C1orf141: variants seen among roughly 807,000 people sequenced by gnomAD.
C1orf141 encodes uncharacterized protein C1orf141.
A neutral mutation model predicts 23.2 loss-of-function variants in C1orf141; 19 were observed. That is an observed-to-expected ratio of 0.82 (90% CI 0.57 to 1.20). The LOEUF (loss-of-function observed/expected upper bound fraction) is 1.20, where lower values mean the gene tolerates loss of function less well. C1orf141 is among the 50% of genes most tolerant of loss of function. The probability of loss-of-function intolerance (pLI) is 0.00; values close to 1 mark genes in which losing one functional copy is unlikely to be tolerated. For synonymous variants in C1orf141, 153 were observed against 154.6 expected, an observed-to-expected ratio of 0.99 and a Z score of 0.08; for missense variants, 469 against 455.1, an observed-to-expected ratio of 1.03 and a Z score of -0.28.
chr1:67,094,058 T>C (rs1323891126), intron 7 of C1orf141: 1 of 152,618 alleles, frequency 6.6e-6, no homozygotes, highest in African/African-American at 2.4e-5. Context: ...TTCTAGTAAG[T>C]AATTCAAAAA....
intron 2 of C1orf141, among the ~76,000 whole-genome samples, chr1:67,130,177 C>T (rs976182894): frequency 6.6e-6 from 1 of 152,132 alleles, no homozygotes; most frequent in Non-Finnish European, 1.5e-5. Flanking sequence ...CTAAAACTCT[C>T]CGAGGAGTTT....
intron 5 of C1orf141, among the ~76,000 whole-genome samples, chr1:67,098,099 C>T (rs981776443): frequency 6.6e-6 from 1 of 152,162 alleles, no homozygotes; most frequent in Admixed American, 6.5e-5. Context: ...ATTCACAACT[C>T]TAAAATCTGG....
rs570953546 is a variant in C1orf141 at position 67,110,569 on chromosome 1, A to T, written c.346+4783T>A. ...AAGAGGAAATTAGAAGAGGAAGCAG[A>T]GAATGAAAGGGCTGTGTGTGCTTAT... On this transcript the variant is annotated intron_variant, in intron 5 of 7. Coordinates refer to ENST00000684719, the MANE Select transcript of C1orf141 (RefSeq NM_001276351.2). Among the ~76,000 whole-genome samples, 14 of 152,268 alleles carry T rather than the reference A, an allele frequency of 9.2e-5. No homozygotes were observed. In the South Asian group the frequency reaches 2.9e-3, roughly 32 times the overall value.
chr1:67,100,805 T>C (rs941044132), intron 5 of C1orf141, among the ~76,000 whole-genome samples: 1 of 152,222 alleles, frequency 6.6e-6, no homozygotes, highest in Non-Finnish European at 1.5e-5. Flanking sequence ...TAGAAATTAA[T>C]ATGTAAATCC....
chr1:67,114,960 G>A (rs1477024898), intron 5 of C1orf141, among the ~76,000 whole-genome samples: 1 of 152,248 alleles, frequency 6.6e-6, no homozygotes, highest in Admixed American at 6.5e-5. Context: ...AGAGGCGTAA[G>A]CCAGCGTGCC....
At chr1:67,119,007 T>C (rs1313583514) in intron 4 of C1orf141, among the ~76,000 whole-genome samples, 1 of 152,208 alleles carries the variant, frequency 6.6e-6, no homozygotes. Flanking sequence ...GGTGCTGCTG[T>C]AACAAGTACT....
At chr1:67,118,688 T>C (rs1646244229) in intron 4 of C1orf141, among the ~76,000 whole-genome samples, 1 of 152,184 alleles carries the variant, frequency 6.6e-6, no homozygotes, top group East Asian at 1.9e-4. Context: ...GGGAGATAAT[T>C]AGGTTATGAG....
intron 5 of C1orf141, chr1:67,103,378 T>C (rs1645848683): frequency 1.5e-6 from 2 of 1,376,550 alleles, no homozygotes; most frequent in Non-Finnish European, 1.9e-6. Flanking sequence ...CCCTGCATTT[T>C]CCATCTAAAC....
At chr1:67,125,418 C>T (rs541492662) in intron 4 of C1orf141, among the ~76,000 whole-genome samples, 7 of 152,180 alleles carry the variant, frequency 4.6e-5, no homozygotes, top group South Asian at 4.2e-4. Flanking sequence ...CTGAACTGGA[C>T]GAGGTGAGGT....
intron 1 of C1orf141, among the ~76,000 whole-genome samples, chr1:67,141,387 C>G (rs922512590): frequency 6.6e-5 from 10 of 151,740 alleles, no homozygotes; most frequent in African/African-American, 2.2e-4. Flanking sequence ...AGACTTTTTT[C>G]TTCTTGTGAG....
At chr1:67,106,231 C>T (rs1243376085) in intron 5 of C1orf141, among the ~76,000 whole-genome samples, 1 of 152,146 alleles carries the variant, frequency 6.6e-6, no homozygotes, top group Non-Finnish European at 1.5e-5. Flanking sequence ...AAGATCAATC[C>T]AACTTGACCT....
At chr1:67,125,500 C>A (rs1176205241) in intron 4 of C1orf141, among the ~76,000 whole-genome samples, 1 of 152,050 alleles carries the variant, frequency 6.6e-6, no homozygotes, top group Non-Finnish European at 1.5e-5. Context: ...AAGTTCAAGA[C>A]CAGCCTGGGC....
chr1:67,095,716 T>C (rs1310894456), intron 6 of C1orf141: 1 of 243,002 alleles, frequency 4.1e-6, no homozygotes, highest in Non-Finnish European at 7.8e-6. Flanking sequence ...ATTTGCAACG[T>C]CCTATGTTGA....
intron 4 of C1orf141, among the ~76,000 whole-genome samples, chr1:67,118,434 G>C (rs768371089): frequency 6.6e-6 from 1 of 152,152 alleles, no homozygotes; most frequent in Admixed American, 6.5e-5. Flanking sequence ...ATCACTCATA[G>C]AGACTGGCAT....
intron 1 of C1orf141, among the ~76,000 whole-genome samples, chr1:67,131,786 CTTT>C (rs796496335): frequency 1.6e-5 from 2 of 121,506 alleles, no homozygotes; most frequent in Non-Finnish European, 3.4e-5. Flanking sequence ...ACTACCTCTT[CTTT>C]TTTTTTTTTT....
chr1:67,093,308 T>G lies in C1orf141; in HGVS notation c.900A>C (p.Lys300Asn). The change falls in exon 8 of 8, where the codon AAA (lysine) becomes AAC (asparagine). Residue 300 changes from lysine to asparagine, a missense_variant. Physicochemically the swap from Lys to Asn is moderately conservative, Grantham distance 94. This residue lies in a region of C1orf141 where 370 missense variants were observed against 348.1 expected (regional missense o/e 1.06). Transcript: ENST00000684719. ...TGTTTTCTAGTGTCTGCTTATTAGT[T>G]TTCTTCTTTAGTTTATCATCTACAG... ...HTTVDDKLKKKTNKQTLENRS... is the reference protein window; with the variant it reads ...HTTVDDKLKKNTNKQTLENRS... The G allele has an allele frequency of 6.2e-7, 1 of 1,613,798 alleles. No individual in the cohort carries two copies. Among genetic ancestry groups the G allele is most frequent in the Non-Finnish European group, 8.5e-7 (1 of 1,179,740 alleles).
intron 2 of C1orf141, among the ~76,000 whole-genome samples, 192 bp from the exon 3 acceptor site, chr1:67,127,449 C>T (rs550671563): frequency 2.0e-4 from 31 of 152,144 alleles, no homozygotes; most frequent in African/African-American, 4.3e-4. Flanking sequence ...GATCAGAACT[C>T]CCAGATATGT....
At chr1:67,126,055 A>G (rs1399322897) in intron 3 of C1orf141, 146 bp from the exon 4 acceptor site, 2 of 921,742 alleles carry the variant, frequency 2.2e-6, no homozygotes, top group African/African-American at 1.7e-5. Context: ...AAAATAGTAC[A>G]GACTGAAAAT....
intron 4 of C1orf141, 76 bp downstream of exon 4, chr1:67,125,676 G>A (rs747582336): frequency 7.3e-7 from 1 of 1,362,814 alleles, no homozygotes; most frequent in African/African-American, 1.4e-5. Flanking sequence ...TCTACCCTAG[G>A]CAATGAGTGA....
Sources: gnomAD v4.1 joint callset for allele counts (sites outside exome capture counted in the v4.1 genomes callset) on GRCh38, gnomAD v4.1.1 for gene constraint, gnomAD v4.1.1 regional missense constraint, MANE v1.5 for transcripts, NCBI Gene and HGNC (gene_info 2026-07-23, HGNC 2026-07-21) for gene names.